CLDN1: variants seen among roughly 807,000 people sequenced by gnomAD.
The protein encoded by CLDN1 is claudin-1.
In CLDN1, 12 loss-of-function variants were observed where a neutral mutation model predicts 22.6. That is an observed-to-expected ratio of 0.53 (90% confidence interval 0.34 to 0.86). The LOEUF (loss-of-function observed/expected upper bound fraction) is 0.86. CLDN1 is among the 40% of genes least tolerant of loss of function. The pLI, the probability that CLDN1 is intolerant of heterozygous loss-of-function variation, is 0.02. For synonymous variants in CLDN1, 99 were observed against 103.8 expected (o/e 0.95, Z 0.28); for missense variants, 250 against 269.5 (o/e 0.93, Z 0.51).
chr3:190,308,341 G>A lies in CLDN1; in HGVS notation c.572C>T (p.Thr191Ile), dbSNP rs538398672. The change falls in exon 4 of 4, where the codon ACC (threonine) becomes ATC (isoleucine). Residue 191 changes from threonine (T) to isoleucine (I), a missense_variant. Physicochemically the swap from Thr to Ile is moderately conservative, Grantham distance 89 (BLOSUM62 -1). Transcript: ENST00000295522. ...ATAGGGCCTTGGTGTTGGGTAAGAG[G>A]TTGTTTTTCGGGGACAGGAACAGCA... is the stretch of plus-strand genomic sequence containing the variant. ...LLCCSCPRKT[T>I]SYPTPRPYPK... 12 of 1,613,728 alleles carry A rather than the reference G, an allele frequency of 7.4e-6. No homozygotes were observed. In the South Asian group the frequency reaches 7.7e-5, roughly 10 times the overall value.
chr3:190,308,483 G>T (rs367987067), intron 3 of CLDN1, 44 bp from the exon 4 acceptor site: 15 of 1,588,118 alleles, frequency 9.4e-6, no homozygotes, highest in African/African-American at 2.7e-5. Context: ...TGAATTATTG[G>T]CAACTTTTCT....
intron 1 of CLDN1, among the ~76,000 whole-genome samples, chr3:190,318,082 A>G (rs897376451): frequency 3.3e-5 from 5 of 152,206 alleles, no homozygotes; most frequent in Admixed American, 6.5e-5. Flanking sequence ...ACGGAAGTTC[A>G]AAGTTTCATA....
chr3:190,314,607 T>G (rs1418253475), intron 1 of CLDN1, among the ~76,000 whole-genome samples: 1 of 151,934 alleles, frequency 6.6e-6, no homozygotes, highest in Non-Finnish European at 1.5e-5. Context: ...TTTCACCATG[T>G]TGCCCAGGAT....
At chr3:190,309,150 T>A (rs1716540888) in intron 3 of CLDN1, among the ~76,000 whole-genome samples, 2 of 152,192 alleles carry the variant, frequency 1.3e-5, no homozygotes, top group Admixed American at 6.6e-5. Flanking sequence ...CAGTTTCTCC[T>A]ACTCTCAAAG....
rs757699975 is a variant in CLDN1 at position 190,322,226 on chromosome 3, G to T, written c.-20C>A. On this transcript the variant is annotated 5_prime_UTR_variant, in exon 1 of 4. Transcript: ENST00000295522. Reference sequence around the variant, plus strand: ...GGCCATGACTCGCTCGGGCGCCCGCGCTGGCTCAGGGGTGGCAGGTGCAGA... The same window carrying T: ...GGCCATGACTCGCTCGGGCGCCCGCTCTGGCTCAGGGGTGGCAGGTGCAGA... 12 of 1,609,984 alleles carry T rather than the reference G, an allele frequency of 7.5e-6. No homozygotes were observed. In the Admixed American group the frequency reaches 1.5e-4, roughly 20 times the overall value.
Position 190,308,379 on chromosome 3 carries a change from T to C in CLDN1, c.534A>G (p.Gly178=), listed in dbSNP as rs1274263906. 1 of 1,613,526 alleles carries C rather than the reference T, an allele frequency of 6.2e-7. No individual in the cohort carries two copies. Among genetic ancestry groups the C allele is most frequent in the Non-Finnish European group, 8.5e-7 (1 of 1,179,844 alleles). The part of the protein sequence containing the change: ...GWAAASLCLL[G]GALLCCSCPR... Reference sequence around the variant, plus strand: ...GACAGGAACAGCAAAGTAGGGCACCTCCCAGAAGGCAGAGAGAAGCAGCAG... The same window carrying C: ...GACAGGAACAGCAAAGTAGGGCACCCCCCAGAAGGCAGAGAGAAGCAGCAG... Residue 178 remains glycine, a synonymous_variant, in exon 4 of 4, where the codon GGA becomes GGG. Coordinates refer to ENST00000295522, the MANE Select transcript of CLDN1 (RefSeq NM_021101.5).
At chr3:190,317,238 G>C (rs149809918) in intron 1 of CLDN1, among the ~76,000 whole-genome samples, 184 of 152,160 alleles carry the variant, frequency 1.2e-3, no homozygotes, top group African/African-American at 4.3e-3. Flanking sequence ...ACTGACTAAA[G>C]TTGTCTATGG....
Position 190,308,056 on chromosome 3 carries a change from G to GA in CLDN1, c.*220dup, listed in dbSNP as rs1716506891. On this transcript the variant is annotated 3_prime_UTR_variant, in exon 4 of 4. Transcript: ENST00000295522. ...TCAATGGGAAGCAGTAATACAAATG[G>GA]AAAAATCTTCCCTCCTATATTGAGG... 2 of 511,254 alleles carry GA rather than the reference G, an allele frequency of 3.9e-6. No homozygotes were observed. Among genetic ancestry groups the GA allele is most frequent in the South Asian group, 4.2e-5 (2 of 47,634 alleles). 31.7% of individuals were successfully genotyped at this position (511,254 alleles called of 1,614,324 possible).
At chr3:190,312,732 T>C (rs976825494) in intron 2 of CLDN1, 140 bp downstream of exon 2, 1 of 904,806 alleles carries the variant, frequency 1.1e-6, no homozygotes, top group African/African-American at 1.6e-5. Context: ...TTTGAGAACA[T>C]GAAAGTCAAC....
chr3:190,311,925 A>C (rs1426888408), intron 2 of CLDN1, among the ~76,000 whole-genome samples: 1 of 150,574 alleles, frequency 6.6e-6, no homozygotes, highest in Non-Finnish European at 1.5e-5. Context: ...TCAACACTTG[A>C]ATTAAAAAAC....
intron 1 of CLDN1, among the ~76,000 whole-genome samples, chr3:190,319,008 C>T (rs1716843688): frequency 6.6e-6 from 1 of 152,052 alleles, no homozygotes; most frequent in Non-Finnish European, 1.5e-5. Flanking sequence ...CTAGCCTAAC[C>T]TCCCATTTGT....
At chr3:190,313,194 TATA>T in intron 1 of CLDN1, 158 bp from the exon 2 acceptor site, 1 of 717,796 alleles carries the variant, frequency 1.4e-6, no homozygotes, top group Non-Finnish European at 2.3e-6. Context: ...GGTAACCCAA[TATA>T]CAGTATCTTC....
intron 1 of CLDN1, 74 bp from the exon 2 acceptor site, chr3:190,313,110 T>C: frequency 6.5e-7 from 1 of 1,543,642 alleles, no homozygotes; most frequent in Non-Finnish European, 8.9e-7. Context: ...AGACCAAGTA[T>C]ATGTCACTGT....
Position 190,312,853 on chromosome 3 carries a change from G to T in CLDN1, c.388+19C>A. On this transcript the variant is annotated intron_variant, in intron 2 of 3. Transcript: ENST00000295522. ...AGGAACAGGTTAGTAAGGTGAAAGG[G>T]GGGCACAGCCTCTATTACCTGCAAG... 8 of 1,613,542 alleles carry T rather than the reference G, an allele frequency of 5.0e-6. No homozygotes were observed. Among genetic ancestry groups the T allele is most frequent in the Non-Finnish European group, 6.8e-6 (8 of 1,179,496 alleles).
chr3:190,314,323 C>T (rs919063950), intron 1 of CLDN1, among the ~76,000 whole-genome samples: 2 of 152,172 alleles, frequency 1.3e-5, no homozygotes, highest in African/African-American at 4.8e-5. Context: ...TCTAAAACTT[C>T]ATTAAATCTT....
Position 190,322,265 on chromosome 3 carries a change from G to A in CLDN1, c.-59C>T, listed in dbSNP as rs1434123078. On this transcript the variant is annotated 5_prime_UTR_variant, in exon 1 of 4. Transcript: ENST00000295522. ...GGCAGGTGCAGAAGGCGGAGAGTTT[G>A]CAGGTGGGCAACCCGGACTCCCGAA... 6.7e-6 allele frequency: 10 copies of A among 1,495,198 alleles called. No homozygotes were observed. The highest frequency in any genetic ancestry group is 9.3e-6 in the Non-Finnish European group (10 of 1,080,890). The allele number at this position is 1,495,198 out of a possible 1,614,324, so 92.6% of individuals were successfully genotyped here.
At chr3:190,309,362 C>A (rs1716549759) in intron 3 of CLDN1, among the ~76,000 whole-genome samples, 1 of 152,158 alleles carries the variant, frequency 6.6e-6, no homozygotes, top group South Asian at 2.1e-4. Context: ...TCCAACACAA[C>A]CATTGCAGTA....
intron 2 of CLDN1, among the ~76,000 whole-genome samples, chr3:190,310,986 C>CT (rs960667495): frequency 6.6e-6 from 1 of 152,000 alleles, no homozygotes; most frequent in African/African-American, 2.4e-5. Context: ...AGTTAAATAA[C>CT]TTTTTTGTAG....
rs1716474623 is a variant in CLDN1, at chr3:190,307,085, T to C, written c.*1192A>G. ...AAAGAATGAGAGTAATATAAACTAA[T>C]TAATATTCACACTACCTCTTCTAAC... On this transcript the variant is annotated 3_prime_UTR_variant, in exon 4 of 4. Transcript: ENST00000295522. The C allele has an allele frequency of 1.3e-5, 2 of 152,638 alleles. No individual in the cohort carries two copies. Among genetic ancestry groups the C allele is most frequent in the South Asian group, 4.1e-4 (2 of 4,834 alleles). The allele number at this position is 152,638 out of a possible 1,614,324, so 9.5% of individuals were successfully genotyped here.
Sources: allele counts gnomAD v4.1 joint callset (sites outside exome capture counted in the v4.1 genomes callset), GRCh38; gene constraint gnomAD v4.1.1; transcripts MANE v1.5; gene names NCBI Gene and HGNC (gene_info 2026-07-23, HGNC 2026-07-21).